Variants in SESTD1 observed in about 807,000 individuals in gnomAD.
The protein encoded by SESTD1 is SEC14 and spectrin domain containing 1.
In SESTD1, 43 loss-of-function variants were observed where a neutral mutation model predicts 101.7. That is an observed-to-expected ratio of 0.42 (90% CI 0.33 to 0.55). SESTD1 has a LOEUF of 0.55. Ranked by LOEUF, SESTD1 falls within the 20% of genes least tolerant of loss-of-function variation. The probability of loss-of-function intolerance (pLI) is 0.07; values close to 1 mark genes in which losing one functional copy is unlikely to be tolerated. For synonymous variants in SESTD1, 283 were observed against 286.8 expected (o/e 0.99, Z 0.13); for missense variants, 647 against 815.1 (o/e 0.79, Z 2.51).
rs149526306 is a variant in SESTD1 at position 179,221,820 on chromosome 2, T to C, written c.-25-29954A>G. Among the ~76,000 whole-genome samples the C allele has an allele frequency of 8.4e-3, 1,274 of 150,990 alleles. 10 individuals carry two copies. Among genetic ancestry groups the C allele is most frequent in the African/African-American group, 0.029 (1,187 of 41,036 alleles). On this transcript the variant is annotated intron_variant, in intron 1 of 17. Transcript: ENST00000428443. ...GTGTGGTCCCAGCTACTCAGGAGTCTGAGGTGAGAGGATCCCTTGAGCCCA... is the reference window on the plus strand; with the variant it reads ...GTGTGGTCCCAGCTACTCAGGAGTCCGAGGTGAGAGGATCCCTTGAGCCCA...
chr2:179,247,808 G>C (rs1402444314), intron 1 of SESTD1, among the ~76,000 whole-genome samples: 1 of 151,674 alleles, frequency 6.6e-6, no homozygotes, highest in Admixed American at 6.6e-5. Flanking sequence ...ATGTACAGCA[G>C]ATACAGGAAT....
intron 1 of SESTD1, among the ~76,000 whole-genome samples, chr2:179,237,320 A>G (rs961797871): frequency 2.6e-5 from 4 of 151,904 alleles, no homozygotes; most frequent in African/African-American, 7.3e-5. Context: ...TTAATACCCC[A>G]TTCTCCTGGT....
At chr2:179,226,911 G>A (rs1246120750) in intron 1 of SESTD1, among the ~76,000 whole-genome samples, 3 of 152,180 alleles carry the variant, frequency 2.0e-5, no homozygotes, top group African/African-American at 7.2e-5. Context: ...GCAGAATACA[G>A]AGGAAGCAGG....
intron 1 of SESTD1, among the ~76,000 whole-genome samples, chr2:179,233,815 T>C (rs1161504666): frequency 6.6e-6 from 1 of 152,218 alleles, no homozygotes; most frequent in African/African-American, 2.4e-5. Flanking sequence ...TGCGTGTGTG[T>C]GCACATGGCC....
At chr2:179,122,738 A>G (rs749001011) in intron 12 of SESTD1, among the ~76,000 whole-genome samples, 12 of 152,018 alleles carry the variant, frequency 7.9e-5, no homozygotes, top group South Asian at 2.1e-4. Flanking sequence ...ATAACTACCA[A>G]TACAAAAATT....
At chr2:179,143,160 A>G (rs2045316926) in intron 9 of SESTD1, among the ~76,000 whole-genome samples, 1 of 152,122 alleles carries the variant, frequency 6.6e-6, no homozygotes, top group Admixed American at 6.5e-5. Context: ...TTTTCTATCA[A>G]TATTATAAAA....
intron 5 of SESTD1, among the ~76,000 whole-genome samples, chr2:179,153,320 T>G (rs974505900): frequency 6.6e-6 from 1 of 152,154 alleles, no homozygotes; most frequent in African/African-American, 2.4e-5. Flanking sequence ...AGCCAGTGAG[T>G]GAGATGGGAT....
chr2:179,115,726 T>C (rs924637451), intron 15 of SESTD1, among the ~76,000 whole-genome samples: 1 of 152,128 alleles, frequency 6.6e-6, no homozygotes, highest in Non-Finnish European at 1.5e-5. Flanking sequence ...ATATCCTAAT[T>C]GACAGAGCAA....
intron 9 of SESTD1, among the ~76,000 whole-genome samples, chr2:179,133,831 G>A (rs538053388): frequency 4.6e-5 from 7 of 151,892 alleles, no homozygotes; most frequent in South Asian, 4.2e-4. Flanking sequence ...TCACATAAGC[G>A]CTCAGCCCTG....
At chr2:179,186,682 GA>G (rs1248209289) in intron 2 of SESTD1, among the ~76,000 whole-genome samples, 2 of 131,878 alleles carry the variant, frequency 1.5e-5, no homozygotes, top group Non-Finnish European at 3.1e-5. Flanking sequence ...TATTTTCAGG[GA>G]ATTTTTTTTT....
At position 179,107,873 on chromosome 2, in the gene SESTD1, C is replaced by G. The variant is rs2044418762; in HGVS notation, c.*2026G>C. The G allele has an allele frequency of 6.6e-6, 1 of 152,202 alleles. No homozygotes were observed. Among genetic ancestry groups the G allele is most frequent in the East Asian group, 1.9e-4 (1 of 5,174 alleles). 9.4% of individuals were successfully genotyped at this position (152,202 alleles called of 1,614,324 possible). ...ACTGAAATAAATAATCACAAAAGTT[C>G]ATACTCATAGCAGTAAAGCCCCAAA... On this transcript the variant is annotated 3_prime_UTR_variant, in exon 18 of 18. Coordinates refer to ENST00000428443, the MANE Select transcript of SESTD1 (RefSeq NM_178123.5).
At chr2:179,235,241 G>T (rs1010568678) in intron 1 of SESTD1, among the ~76,000 whole-genome samples, 1 of 152,078 alleles carries the variant, frequency 6.6e-6, no homozygotes, top group Non-Finnish European at 1.5e-5. Flanking sequence ...TAGGAATAAA[G>T]GGACATAAGT....
chr2:179,132,265 A>G (rs2045029591), intron 10 of SESTD1, 39 bp downstream of exon 10: 5 of 1,512,708 alleles, frequency 3.3e-6, no homozygotes, highest in Non-Finnish European at 4.4e-6. Context: ...ACCCACGTTC[A>G]TAATATCATT....
intron 1 of SESTD1, among the ~76,000 whole-genome samples, chr2:179,260,243 G>C (rs537731818): frequency 1.3e-5 from 2 of 152,128 alleles, no homozygotes; most frequent in Non-Finnish European, 2.9e-5. Context: ...TGACAAATAA[G>C]AAAACGGGCC....
At chr2:179,117,741 G>A (rs2044665157) in intron 13 of SESTD1, 128 bp from the exon 14 acceptor site, 1 of 611,380 alleles carries the variant, frequency 1.6e-6, no homozygotes, top group African/African-American at 1.9e-5. Flanking sequence ...GAGAATGCAA[G>A]TATTTTGTAT....
intron 1 of SESTD1, among the ~76,000 whole-genome samples, chr2:179,261,586 G>C (rs2007593): frequency 0.29 from 43,983 of 151,898 alleles, 6,731 homozygotes; most frequent in South Asian, 0.44. Flanking sequence ...ATCACAATGC[G>C]ATATCACTTC....
intron 1 of SESTD1, among the ~76,000 whole-genome samples, chr2:179,200,281 C>A (rs1317390054): frequency 6.6e-6 from 1 of 152,118 alleles, no homozygotes; most frequent in African/African-American, 2.4e-5. Context: ...AGGATACAAA[C>A]AAATGGTAGA....
chr2:179,235,255 T>C (rs2047050051), intron 1 of SESTD1, among the ~76,000 whole-genome samples: 1 of 152,200 alleles, frequency 6.6e-6, no homozygotes, highest in Non-Finnish European at 1.5e-5. Context: ...CATAAGTATT[T>C]AGGGGCTAAG....
rs1270125567 is a variant in SESTD1, at chr2:179,120,404, G to GATCT, written c.1442+1362_1442+1365dup. Among the ~76,000 whole-genome samples, 11 of 152,238 alleles carry GATCT rather than the reference G, an allele frequency of 7.2e-5. No individual in the cohort carries two copies. In the South Asian group the frequency reaches 2.3e-3, roughly 32 times the overall value. On this transcript the variant is annotated intron_variant, in intron 13 of 17. Transcript: ENST00000428443. ...GGGAGAGCTGTAACTACTAAACCATGATCTATTAAAGAAAGTAATTCAAGT... is the reference window on the plus strand; with the variant it reads ...GGGAGAGCTGTAACTACTAAACCATGATCTATCTATTAAAGAAAGTAATTCAAGT...
Sources: allele counts gnomAD v4.1 joint callset (sites outside exome capture counted in the v4.1 genomes callset), GRCh38; gene constraint gnomAD v4.1.1; transcripts MANE v1.5; gene names NCBI Gene and HGNC (gene_info 2026-07-23, HGNC 2026-07-21).